Variants in PDE8A observed in about 807,000 individuals in gnomAD.
The protein encoded by PDE8A is phosphodiesterase 8A.
Under a neutral mutation model 105.0 loss-of-function variants are expected in PDE8A, and 59 were observed. The ratio of observed to expected loss-of-function variants is 0.56; its 90% CI spans 0.46 to 0.70. The LOEUF (loss-of-function observed/expected upper bound fraction) is 0.70, where lower values mean the gene tolerates loss of function less well. Ranked by LOEUF, PDE8A falls within the 30% of genes least tolerant of loss-of-function variation. The pLI, the probability that PDE8A is intolerant of heterozygous loss-of-function variation, is 0.00. For synonymous variants in PDE8A, 355 were observed against 371.9 expected (o/e 0.95, Z 0.52); for missense variants, 1,014 against 1,045.9 (o/e 0.97, Z 0.42).
rs547388473 is a variant in PDE8A at position 84,992,017 on chromosome 15, A to G, written c.186+9669A>G. Among the ~76,000 whole-genome samples the G allele has an allele frequency of 5.3e-5, 8 of 152,372 alleles. No homozygotes were observed. In the South Asian group the frequency reaches 1.7e-3, roughly 32 times the overall value. On this transcript the variant is annotated intron_variant, in intron 1 of 21. Coordinates refer to ENST00000394553, the MANE Select transcript of PDE8A (RefSeq NM_002605.3). ...AAAAAGATTAATAGCTAAACAATATATAGTAATACACACATAGGTGTTAAA... is the reference window on the plus strand; with the variant it reads ...AAAAAGATTAATAGCTAAACAATATGTAGTAATACACACATAGGTGTTAAA...
intron 1 of PDE8A, among the ~76,000 whole-genome samples, chr15:85,047,501 A>G (rs959925569): frequency 1.3e-5 from 2 of 152,244 alleles, no homozygotes; most frequent in African/African-American, 2.4e-5. Flanking sequence ...GTTAAATGCA[A>G]TCTAGTTAAG....
At chr15:84,994,602 C>T (rs1014872464) in intron 1 of PDE8A, among the ~76,000 whole-genome samples, 1 of 152,226 alleles carries the variant, frequency 6.6e-6, no homozygotes, top group African/African-American at 2.4e-5. Flanking sequence ...ACTGTACTTG[C>T]TTTATCACAT....
intron 13 of PDE8A, 132 bp from the exon 14 acceptor site, chr15:85,113,741 A>C: frequency 1.4e-6 from 1 of 709,550 alleles, no homozygotes; most frequent in Non-Finnish European, 2.3e-6. Flanking sequence ...GCTAGTCTCA[A>C]ACTCCTGGGC....
intron 1 of PDE8A, among the ~76,000 whole-genome samples, chr15:85,025,972 A>C (rs897036975): frequency 8.5e-5 from 13 of 152,186 alleles, no homozygotes; most frequent in African/African-American, 3.1e-4. Context: ...CCTAGTTGCA[A>C]AAATTTCAAC....
chr15:84,990,669 T>C (rs1401511225), intron 1 of PDE8A, among the ~76,000 whole-genome samples: 1 of 152,246 alleles, frequency 6.6e-6, no homozygotes, highest in Non-Finnish European at 1.5e-5. Flanking sequence ...TTGGCTATTA[T>C]GACTAAAGCT....
At chr15:85,054,521 G>C (rs568346762) in intron 1 of PDE8A, among the ~76,000 whole-genome samples, 10 of 152,252 alleles carry the variant, frequency 6.6e-5, no homozygotes, top group East Asian at 3.9e-4. Context: ...CAGGGATTCA[G>C]CTTCTTCCTG....
chr15:85,019,334 C>T (rs289413), intron 1 of PDE8A, among the ~76,000 whole-genome samples: 122,929 of 152,138 alleles, frequency 0.81, 50,320 homozygotes, highest in African/African-American at 0.95. Context: ...GAAAATACTA[C>T]AGTCAAAAAG....
intron 19 of PDE8A, among the ~76,000 whole-genome samples, chr15:85,125,196 C>T (rs2082241231): frequency 6.6e-6 from 1 of 152,114 alleles, no homozygotes; most frequent in Admixed American, 6.6e-5. Flanking sequence ...AGGATGCCAC[C>T]CGTCCATCTT....
chr15:85,085,423 G>C (rs1259577807), intron 6 of PDE8A, among the ~76,000 whole-genome samples: 1 of 152,222 alleles, frequency 6.6e-6, no homozygotes, highest in Non-Finnish European at 1.5e-5. Context: ...AAACAGGCCG[G>C]GCACGGTGGC....
At chr15:85,058,105 G>C (rs1030630216) in intron 1 of PDE8A, among the ~76,000 whole-genome samples, 13 of 152,050 alleles carry the variant, frequency 8.5e-5, no homozygotes, top group Admixed American at 8.5e-4. Context: ...TTAAGGGATA[G>C]GGTCTTGCTC....
chr15:84,982,243 GT>G lies in PDE8A; in HGVS notation c.82del (p.Ser28ProfsTer36). 2 of 1,463,560 alleles carry G rather than the reference GT, an allele frequency of 1.4e-6. No homozygotes were observed. Among genetic ancestry groups the G allele is most frequent in the Non-Finnish European group, 1.8e-6 (2 of 1,116,648 alleles). 90.7% of individuals were successfully genotyped at this position (1,463,560 alleles called of 1,614,324 possible). Reference sequence around the variant, plus strand: ...CTAGCCCCGCGGCACCGCCGCTGTCGTCCGGCGGGCCGCGCCTCCCGCAGGG... The same window carrying G: ...CTAGCCCCGCGGCACCGCCGCTGTCGCCGGCGGGCCGCGCCTCCCGCAGGG... ...APSPAAPPLSSGGPRLPQGQK... is the reference protein window; with the variant it reads ...APSPAAPPLSXGGPRLPQGQK... On this transcript the variant is annotated frameshift_variant, in exon 1 of 22. Transcript: ENST00000394553. LOFTEE classifies it high-confidence loss of function.
intron 2 of PDE8A, among the ~76,000 whole-genome samples, chr15:85,065,214 CAGAG>C (rs1329154678): frequency 6.6e-6 from 1 of 151,180 alleles, no homozygotes; most frequent in Non-Finnish European, 1.5e-5. Context: ...TCAGCTCTGT[CAGAG>C]AGAAGATATC....
intron 1 of PDE8A, among the ~76,000 whole-genome samples, chr15:85,030,705 T>C (rs1354139660): frequency 3.2e-5 from 1 of 31,744 alleles, no homozygotes; most frequent in Non-Finnish European, 7.6e-5. Context: ...CTTCCATGCC[T>C]TTTTGCACAT....
intron 1 of PDE8A, among the ~76,000 whole-genome samples, chr15:84,984,862 G>A (rs1311381165): frequency 6.6e-6 from 1 of 151,926 alleles, no homozygotes; most frequent in Non-Finnish European, 1.5e-5. Flanking sequence ...GCATTTCAGA[G>A]TTTGGATTTT....
At chr15:84,981,320 C>A (rs981197143), upstream of PDE8A, among the ~76,000 whole-genome samples, 4 of 152,216 alleles carry the variant, frequency 2.6e-5, no homozygotes, top group African/African-American at 9.6e-5. Context: ...GACGCCAGCA[C>A]CCGCTGGAGG....
intron 8 of PDE8A, among the ~76,000 whole-genome samples, chr15:85,091,709 A>G (rs978872270): frequency 6.6e-6 from 1 of 152,220 alleles, no homozygotes; most frequent in Non-Finnish European, 1.5e-5. Context: ...AAAAGTAACT[A>G]TTATTCAATA....
At position 85,115,462 on chromosome 15, in the gene PDE8A, G is replaced by A; in HGVS notation, c.1374G>A (p.Gly458=). Residue 458 remains glycine, a synonymous_variant, in exon 15 of 22, where the codon GGG becomes GGA. Transcript: ENST00000394553. ...LMSDGLRRLS[G]NEYVLSTKNT... ...AGGATGGTTTGCGAAGACTATCAGGGAATGAATATGTTCTTTCAACAAAAA... is the reference window on the plus strand; with the variant it reads ...AGGATGGTTTGCGAAGACTATCAGGAAATGAATATGTTCTTTCAACAAAAA... 11 of 1,539,410 alleles carry A rather than the reference G, an allele frequency of 7.1e-6. No individual in the cohort carries two copies. Among genetic ancestry groups the A allele is most frequent in the Non-Finnish European group, 9.6e-6 (11 of 1,142,878 alleles).
At chr15:85,084,225 A>G (rs940356966) in intron 6 of PDE8A, among the ~76,000 whole-genome samples, 3 of 152,164 alleles carry the variant, frequency 2.0e-5, no homozygotes, top group African/African-American at 7.2e-5. Context: ...CATTTCCTTT[A>G]CTAGGGATCA....
intron 6 of PDE8A, among the ~76,000 whole-genome samples, chr15:85,088,864 A>C (rs2081595209): frequency 6.6e-6 from 1 of 152,234 alleles, no homozygotes; most frequent in African/African-American, 2.4e-5. Flanking sequence ...GCAGGAAGCA[A>C]AGCTAGTCTT....
Sources: gnomAD v4.1 joint callset for allele counts (sites outside exome capture counted in the v4.1 genomes callset) on GRCh38, gnomAD v4.1.1 for gene constraint, MANE v1.5 for transcripts, NCBI Gene and HGNC (gene_info 2026-07-23, HGNC 2026-07-21) for gene names.